The following PACRG variants were observed in gnomAD, a reference collection of about 807,000 sequenced individuals.
PACRG encodes parkin coregulated gene protein.
A neutral mutation model predicts 29.7 loss-of-function variants in PACRG; 29 were observed. The ratio of observed to expected loss-of-function variants is 0.98; its 90% confidence interval spans 0.73 to 1.33. The LOEUF is 1.33. Ranked by LOEUF, PACRG falls within the 40% of genes most tolerant of loss-of-function variation. The pLI, the probability that PACRG is intolerant of heterozygous loss-of-function variation, is 0.00. For missense variants in PACRG, 279 were observed against 316.2 expected, an observed-to-expected ratio of 0.88 and a Z score of 0.89; for synonymous variants, 116 against 118.7, an observed-to-expected ratio of 0.98 and a Z score of 0.15.
chr6:163,079,076 C>T (rs550701422), intron 3 of PACRG, among the ~76,000 whole-genome samples: 30 of 152,092 alleles, frequency 2.0e-4, no homozygotes, highest in African/African-American at 7.0e-4. Flanking sequence ...TTTAACTGTC[C>T]CAGAGCATTA....
At position 162,797,165 on chromosome 6, in the gene PACRG, T is replaced by C. The variant is rs371087916; in HGVS notation, c.157-16982T>C. On this transcript the variant is annotated intron_variant, in intron 1 of 4. Coordinates refer to ENST00000366888, the MANE Select transcript of PACRG (RefSeq NM_001080379.2). ...GGCACATGCCTGTAATCCCAGCTAC[T>C]GGGGAGGCTGAGGCAGGAGGATCAC... 1.1e-4 allele frequency among the ~76,000 whole-genome samples: 17 copies of C among 152,116 alleles called. No homozygotes were observed. In the East Asian group the frequency reaches 2.1e-3, roughly 19 times the overall value.
intron 1 of PACRG, among the ~76,000 whole-genome samples, chr6:162,764,373 T>C (rs946841220): frequency 2.0e-5 from 3 of 149,774 alleles, no homozygotes; most frequent in African/African-American, 7.5e-5. Context: ...GATTAGATAA[T>C]TTTAATCTTT....
chr6:163,148,103 T>G (rs546352688), intron 4 of PACRG, among the ~76,000 whole-genome samples: 152 of 152,198 alleles, frequency 1.0e-3, no homozygotes, highest in South Asian at 1.5e-3. Context: ...GTGTTAGAAA[T>G]TTGCACTAAG....
chr6:163,019,046 G>A (rs1167001893), intron 2 of PACRG, among the ~76,000 whole-genome samples: 1 of 152,008 alleles, frequency 6.6e-6, no homozygotes, highest in Non-Finnish European at 1.5e-5. Flanking sequence ...TAAGTTCTAT[G>A]TTTTTAATGT....
intron 2 of PACRG, among the ~76,000 whole-genome samples, chr6:162,988,255 A>G (rs1046640924): frequency 3.3e-5 from 5 of 152,178 alleles, no homozygotes; most frequent in Non-Finnish European, 7.4e-5. Context: ...AAATTGAGGA[A>G]GAATGTTGTG....
chr6:162,935,880 A>G (rs56782574), intron 2 of PACRG, among the ~76,000 whole-genome samples: 5,982 of 152,256 alleles, frequency 0.039, 386 homozygotes, highest in African/African-American at 0.13. Flanking sequence ...AAGTTCAAAG[A>G]CTACTGGGAG....
intron 4 of PACRG, among the ~76,000 whole-genome samples, chr6:163,157,178 G>A (rs1195963935): frequency 6.6e-6 from 1 of 152,152 alleles, no homozygotes; most frequent in Non-Finnish European, 1.5e-5. Flanking sequence ...TCCTATTTGG[G>A]CATAATGGTC....
At chr6:162,905,191 T>TA (rs1388530229) in intron 2 of PACRG, among the ~76,000 whole-genome samples, 3 of 152,108 alleles carry the variant, frequency 2.0e-5, no homozygotes, top group African/African-American at 7.2e-5. Context: ...AGAGGTAAGA[T>TA]AGTCATTCAG....
At chr6:163,180,846 G>A (rs183864344) in intron 4 of PACRG, among the ~76,000 whole-genome samples, 5 of 152,284 alleles carry the variant, frequency 3.3e-5, no homozygotes, top group African/African-American at 7.2e-5. Context: ...AACAGCAAAC[G>A]CTGCGTCTCC....
intron 1 of PACRG, among the ~76,000 whole-genome samples, chr6:162,799,199 G>GA (rs1246054424): frequency 6.6e-6 from 1 of 151,780 alleles, no homozygotes; most frequent in Admixed American, 6.5e-5. Context: ...TTGGCTCAGG[G>GA]AAAAAAATGC....
At chr6:162,878,080 A>T (rs1198204371) in intron 2 of PACRG, among the ~76,000 whole-genome samples, 1 of 152,250 alleles carries the variant, frequency 6.6e-6, no homozygotes, top group Non-Finnish European at 1.5e-5. Flanking sequence ...AGCAAAAAGC[A>T]TAATAATATT....
chr6:163,108,668 C>T (rs748167641), intron 4 of PACRG, among the ~76,000 whole-genome samples: 12 of 152,086 alleles, frequency 7.9e-5, no homozygotes, highest in Non-Finnish European at 1.3e-4. Context: ...GGATTATAGG[C>T]GTGAGCCACT....
At chr6:163,314,242 G>C (rs1049792608) in intron 4 of PACRG, among the ~76,000 whole-genome samples, 11 of 152,198 alleles carry the variant, frequency 7.2e-5, no homozygotes, top group Non-Finnish European at 1.6e-4. Flanking sequence ...AGCATTGAGT[G>C]ATAGTTCGGG....
intron 2 of PACRG, among the ~76,000 whole-genome samples, chr6:163,005,422 T>C (rs1486576145): frequency 6.6e-6 from 1 of 152,004 alleles, no homozygotes; most frequent in African/African-American, 2.4e-5. Context: ...TCTTCTTCTT[T>C]TCTAATAGGG....
chr6:162,899,776 A>T (rs569427021), intron 2 of PACRG, among the ~76,000 whole-genome samples: 2 of 152,312 alleles, frequency 1.3e-5, no homozygotes, highest in African/African-American at 2.4e-5. Flanking sequence ...ACATTGTGAA[A>T]CCTTGTTGCC....
chr6:163,087,729 G>A (rs1489623643), intron 3 of PACRG, among the ~76,000 whole-genome samples: 3 of 143,476 alleles, frequency 2.1e-5, no homozygotes, highest in Non-Finnish European at 3.0e-5. Flanking sequence ...GGAGCAGAGA[G>A]GGTGAGGATA....
chr6:163,238,847 A>G (rs1782352353), intron 4 of PACRG, among the ~76,000 whole-genome samples: 1 of 152,138 alleles, frequency 6.6e-6, no homozygotes, highest in Admixed American at 6.5e-5. Context: ...CTGTATTTCT[A>G]TCAGTCACTC....
intron 2 of PACRG, among the ~76,000 whole-genome samples, chr6:162,904,700 T>C (rs575274613): frequency 2.6e-5 from 4 of 152,298 alleles, no homozygotes; most frequent in South Asian, 4.2e-4. Context: ...TTTACCTTTA[T>C]GGAAATGTTA....
chr6:162,772,562 A>G (rs2128304206), intron 1 of PACRG, among the ~76,000 whole-genome samples: 1 of 152,330 alleles, frequency 6.6e-6, no homozygotes, highest in East Asian at 1.9e-4. Flanking sequence ...TAGGAGGGAG[A>G]GTCCTAAGAG....
Sources: allele counts gnomAD v4.1 joint callset (sites outside exome capture counted in the v4.1 genomes callset), GRCh38; gene constraint gnomAD v4.1.1; transcripts MANE v1.5; gene names NCBI Gene and HGNC (gene_info 2026-07-23, HGNC 2026-07-21).